Variants in SNRPN observed in about 807,000 individuals in gnomAD.
SNRPN encodes the protein small nuclear ribonucleoprotein polypeptide N.
A neutral mutation model predicts 25.2 loss-of-function variants in SNRPN; 7 were observed. That is an observed-to-expected ratio of 0.28 (90% CI 0.16 to 0.52). The LOEUF is 0.52. Among genes scored for constraint, SNRPN ranks in the 20% least tolerant of loss-of-function variants. The pLI, the probability that SNRPN is intolerant of heterozygous loss-of-function variation, is 0.96. For missense variants in SNRPN, 196 were observed against 322.5 expected (o/e 0.61, Z 3.00); for synonymous variants, 124 against 110.6 (o/e 1.12, Z -0.76).
intron 3 of SNRPN, among the ~76,000 whole-genome samples, chr15:24,924,779 A>G (rs914998875): frequency 1.3e-5 from 2 of 151,982 alleles, no homozygotes; most frequent in East Asian, 1.9e-4. Flanking sequence ...ATGAGTTACC[A>G]TGCCCAGGCT....
intron 2 of SNRPN, among the ~76,000 whole-genome samples, chr15:24,966,559 A>G (rs2075671111): frequency 6.6e-6 from 1 of 152,052 alleles, no homozygotes; most frequent in Non-Finnish European, 1.5e-5. Context: ...TCTTTGTTTG[A>G]TCTTTTGTGG....
intron 2 of SNRPN, among the ~76,000 whole-genome samples, chr15:24,899,198 T>C (rs188697080): frequency 2.0e-3 from 298 of 152,332 alleles, no homozygotes; most frequent in Middle Eastern, 0.014. Context: ...CCCAACACTT[T>C]CTATTACAAA....
At chr15:24,836,504 C>CAG (rs1566809217) in intron 2 of SNRPN, among the ~76,000 whole-genome samples, 3 of 151,594 alleles carry the variant, frequency 2.0e-5, no homozygotes, top group Admixed American at 1.3e-4. Flanking sequence ...CTCTGCGTCC[C>CAG]GTTTTCAAGC....
At chr15:24,923,923 ATTTT>A (rs34575205) in intron 3 of SNRPN, among the ~76,000 whole-genome samples, 12,816 of 89,390 alleles carry the variant, frequency 0.14, 1,551 homozygotes, top group East Asian at 0.22. Flanking sequence ...GTATATAAAC[ATTTT>A]TTTTTTTTTT....
intron 2 of SNRPN, among the ~76,000 whole-genome samples, chr15:24,832,255 A>T (rs558969567): frequency 6.6e-6 from 1 of 151,870 alleles, no homozygotes; most frequent in East Asian, 1.9e-4. Context: ...CTTCATATTT[A>T]TACAGATTTC....
chr15:24,958,075 C>G (rs1385590447), intron 1 of SNRPN, among the ~76,000 whole-genome samples: 2 of 152,250 alleles, frequency 1.3e-5, no homozygotes, highest in Admixed American at 1.3e-4. Context: ...ATTCACAGAC[C>G]TTGCCTTATC....
intron 3 of SNRPN, among the ~76,000 whole-genome samples, chr15:24,947,564 G>T (rs755100120): frequency 8.5e-5 from 13 of 152,204 alleles, no homozygotes; most frequent in Non-Finnish European, 1.3e-4. Flanking sequence ...GGAGGCGGAG[G>T]TTGCAGTGAG....
At chr15:24,857,967 G>A (rs2053575442) in intron 1 of SNRPN, among the ~76,000 whole-genome samples, 1 of 152,094 alleles carries the variant, frequency 6.6e-6, no homozygotes, top group Non-Finnish European at 1.5e-5. Flanking sequence ...CTTGCGCTGA[G>A]TCAGTTCCCC....
Position 24,978,484 on chromosome 15 carries a change from T to G in SNRPN, c.*40T>G. On this transcript the variant is annotated 3_prime_UTR_variant, in exon 10 of 10. Transcript: ENST00000390687. ...ATCTCAGTCACTTTTTCCCCTGCAA[T>G]GCGTCTTGTGAAATTGTGTAGAGTG... The G allele has an allele frequency of 6.3e-7, 1 of 1,574,848 alleles. No homozygotes were observed. Among genetic ancestry groups the G allele is most frequent in the Non-Finnish European group, 8.7e-7 (1 of 1,145,762 alleles).
intron 2 of SNRPN, chr15:24,848,260 G>GCGGCGGCGGGGGCGGGGGCGGCGC (rs2052421832): frequency 7.1e-6 from 1 of 141,428 alleles, no homozygotes; most frequent in Non-Finnish European, 1.6e-5. Context: ...GGGGGCGGGG[G>GCGGCGGCGGGGGCGGGGGCGGCGC]CGGGGGCGGG....
intron 2 of SNRPN, chr15:24,910,796 G>A: frequency 2.5e-6 from 1 of 398,868 alleles, no homozygotes. Flanking sequence ...CCTGGCCAAA[G>A]ACTATTATTA....
At chr15:24,918,560 CATAATATATATGT>C in intron 2 of SNRPN, among the ~76,000 whole-genome samples, 1 of 73,626 alleles carries the variant, frequency 1.4e-5, no homozygotes, top group African/African-American at 5.2e-5. Flanking sequence ...GTATATATAA[CATAATATATATGT>C]ATATATATAA....
At chr15:24,878,107 T>C (rs188413858) in intron 1 of SNRPN, among the ~76,000 whole-genome samples, 1 of 152,322 alleles carries the variant, frequency 6.6e-6, no homozygotes, top group Admixed American at 6.5e-5. Flanking sequence ...TTTCCATACA[T>C]ATATTCAGTA....
At chr15:24,845,263 C>T (rs928323024) in intron 2 of SNRPN, among the ~76,000 whole-genome samples, 1 of 152,134 alleles carries the variant, frequency 6.6e-6, no homozygotes, top group African/African-American at 2.4e-5. Context: ...TTTATCCTTA[C>T]ACCAATACCA....
At chr15:24,864,351 T>G in intron 1 of SNRPN, among the ~76,000 whole-genome samples, 1 of 149,654 alleles carries the variant, frequency 6.7e-6, no homozygotes, top group Non-Finnish European at 1.5e-5. Context: ...TTTTTTTTTT[T>G]TTTTTTTTTT....
chr15:24,835,246 A>C (rs986548036), intron 2 of SNRPN, among the ~76,000 whole-genome samples: 1 of 150,650 alleles, frequency 6.6e-6, no homozygotes, highest in Non-Finnish European at 1.5e-5. Flanking sequence ...AGTAACATAT[A>C]TAGGCATGCT....
intron 1 of SNRPN, among the ~76,000 whole-genome samples, chr15:24,884,185 A>G (rs910646696): frequency 1.1e-4 from 17 of 149,772 alleles, no homozygotes; most frequent in African/African-American, 4.2e-4. Context: ...CACACACACA[A>G]ATGCCAGGCA....
Position 24,930,590 on chromosome 15 carries a change from CAA to C in SNRPN, c.-391+10484_-391+10485del, listed in dbSNP as rs67708507. Among the ~76,000 whole-genome samples the C allele has an allele frequency of 2.6e-3, 252 of 98,360 alleles. 1 individual carries two copies. The highest frequency in any genetic ancestry group is 4.8e-3 in the Admixed American group (37 of 7,666). The allele number at this position is 98,360 out of a possible 152,430, so 64.5% of individuals were successfully genotyped here. ...GGGAAACCCTGTCTCTACAAAAATA[CAA>C]AAAAAAAAAAAAAAAAAGTCTGGGT... On this transcript the variant is annotated intron_variant, in intron 3 of 11. Coordinates refer to the SNRPN transcript ENST00000400097.
chr15:24,840,713 G>A (rs146915881), intron 2 of SNRPN, among the ~76,000 whole-genome samples: 16 of 152,328 alleles, frequency 1.1e-4, no homozygotes, highest in African/African-American at 3.6e-4. Flanking sequence ...CTTTGTATCC[G>A]TGAGTGCAGC....
Sources: gnomAD v4.1 joint callset for allele counts (sites outside exome capture counted in the v4.1 genomes callset) on GRCh38, gnomAD v4.1.1 for gene constraint, MANE v1.5 for transcripts, NCBI Gene and HGNC (gene_info 2026-07-23, HGNC 2026-07-21) for gene names.